The following DMD variants were observed in gnomAD, a reference collection of about 807,000 sequenced individuals.
DMD encodes the protein mutant dystrophin.
Under a neutral mutation model 330.1 loss-of-function variants are expected in DMD, and 63 were observed. The observed-to-expected ratio is 0.19, with a 90% CI of 0.16 to 0.24. DMD has a LOEUF of 0.24. DMD is among the 10% of genes least tolerant of loss of function. The pLI, the probability that DMD is intolerant of heterozygous loss-of-function variation, is 1.00. For missense variants in DMD, 3,344 were observed against 2,684.1 expected (o/e 1.25, Z -5.43); for synonymous variants, 1,223 against 959.8 (o/e 1.27, Z -5.07).
intron 16 of DMD, among the ~76,000 whole-genome samples, chrX:32,554,456 A>G (rs1347176526): frequency 9.0e-6 from 1 of 111,552 alleles, no homozygotes; most frequent in Non-Finnish European, 1.9e-5. Flanking sequence ...TTCTACAGAA[A>G]TACAAACAAC....
chrX:31,395,435 G>A (rs2060878940), intron 60 of DMD, among the ~76,000 whole-genome samples: 1 of 112,005 alleles, frequency 8.9e-6, no homozygotes, highest in African/African-American at 3.2e-5. Context: ...GTTAGCTGCT[G>A]GTGTTTATAA....
At chrX:32,823,215 T>A in intron 5 of DMD, 80 bp downstream of exon 5, 2 of 811,664 alleles carry the variant, frequency 2.5e-6, no homozygotes, top group South Asian at 2.1e-5. Flanking sequence ...GAAATACACA[T>A]TTGTTTCACA....
intron 61 of DMD, among the ~76,000 whole-genome samples, chrX:31,345,608 C>T (rs1319834708): frequency 9.0e-6 from 1 of 111,232 alleles, no homozygotes; most frequent in Non-Finnish European, 1.9e-5. Flanking sequence ...TTATGAGTCG[C>T]TTAGGAGTAT....
chrX:32,049,516 A>T (rs997781274), intron 44 of DMD, among the ~76,000 whole-genome samples: 1 of 111,337 alleles, frequency 9.0e-6, no homozygotes, highest in Non-Finnish European at 1.9e-5. Flanking sequence ...ACCTGAAGTG[A>T]TACATTTATT....
At chrX:32,239,017 A>AAC (rs2148045012) in intron 43 of DMD, among the ~76,000 whole-genome samples, 1 of 112,011 alleles carries the variant, frequency 8.9e-6, no homozygotes, top group African/African-American at 3.2e-5. Context: ...GATTACATAG[A>AAC]ACAAGGTTTC....
chrX:32,313,853 C>T (rs1164441985), intron 41 of DMD, among the ~76,000 whole-genome samples: 3 of 110,922 alleles, frequency 2.7e-5, no homozygotes, highest in Non-Finnish European at 5.7e-5. Flanking sequence ...ATGTGAAGGG[C>T]CTCTTCAAGG....
chrX:32,755,304 T>C (rs1237276197), intron 7 of DMD, among the ~76,000 whole-genome samples: 1 of 94,143 alleles, frequency 1.1e-5, no homozygotes, highest in Non-Finnish European at 2.1e-5. Context: ...AAAAATATTG[T>C]CTTCAGACAA....
chrX:33,129,358 G>T (rs185630995), intron 1 of DMD, among the ~76,000 whole-genome samples: 515 of 10,000 alleles, frequency 0.051, 5 homozygotes, highest in African/African-American at 0.11. Flanking sequence ...TTTTTTTTTA[G>T]TAGATCCAGT....
At chrX:33,327,947 A>G (rs991807274) in intron 1 of DMD, among the ~76,000 whole-genome samples, 6 of 111,997 alleles carry the variant, frequency 5.4e-5, no homozygotes, top group African/African-American at 1.9e-4. Flanking sequence ...AAAAATAAAT[A>G]GTAAATATTA....
chrX:32,849,009 G>A (rs187684172), intron 3 of DMD, among the ~76,000 whole-genome samples: 99 of 111,447 alleles, frequency 8.9e-4, no homozygotes, highest in African/African-American at 2.7e-3. Flanking sequence ...GTATGTGCAT[G>A]TGCTGGGGAG....
chrX:31,155,239 A>G (rs994722985), intron 74 of DMD, among the ~76,000 whole-genome samples: 6 of 112,615 alleles, frequency 5.3e-5, no homozygotes, highest in African/African-American at 1.9e-4. Context: ...AATTTAAACT[A>G]ATTTACAAAG....
intron 32 of DMD, among the ~76,000 whole-genome samples, chrX:32,387,478 T>C (rs1034693692): frequency 9.0e-6 from 1 of 111,443 alleles, no homozygotes; most frequent in African/African-American, 3.2e-5. Flanking sequence ...AACCTGACAG[T>C]AGGTAATTGT....
intron 57 of DMD, among the ~76,000 whole-genome samples, chrX:31,480,287 C>G (rs2068160978): frequency 9.0e-6 from 1 of 111,370 alleles, no homozygotes; most frequent in Admixed American, 9.6e-5. Context: ...TAGCGGTGTT[C>G]ACCATTCAAA....
chrX:31,945,318 T>C (rs974358778), intron 45 of DMD, among the ~76,000 whole-genome samples: 2 of 112,084 alleles, frequency 1.8e-5, no homozygotes, highest in Non-Finnish European at 3.8e-5. Flanking sequence ...TACAGATACA[T>C]GAATGGGTCT....
intron 44 of DMD, among the ~76,000 whole-genome samples, chrX:32,049,869 T>A (rs916752477): frequency 9.0e-6 from 1 of 111,422 alleles, no homozygotes; most frequent in African/African-American, 3.3e-5. Flanking sequence ...GTATTCTTAC[T>A]GGGGTGTTCC....
chrX:31,507,249 T>C (rs758254572), intron 56 of DMD, 32 bp downstream of exon 56: 1 of 1,208,250 alleles, frequency 8.3e-7, no homozygotes, highest in Non-Finnish European at 1.1e-6. Flanking sequence ...TTTAATTCAT[T>C]TGTGGCCTTT....
At chrX:31,562,322 T>G (rs1293266385) in intron 55 of DMD, among the ~76,000 whole-genome samples, 2 of 112,350 alleles carry the variant, frequency 1.8e-5, no homozygotes, top group East Asian at 5.6e-4. Flanking sequence ...TCTGTAGTAT[T>G]GATTCTCAGA....
chrX:32,514,959 T>C (rs911893494), intron 18 of DMD, among the ~76,000 whole-genome samples: 6 of 111,529 alleles, frequency 5.4e-5, no homozygotes, highest in African/African-American at 1.3e-4. Flanking sequence ...AATGAGAAAA[T>C]ATGATAAAAT....
chrX:31,725,304 ATTTG>A (rs1191408290), intron 52 of DMD, among the ~76,000 whole-genome samples: 2 of 111,421 alleles, frequency 1.8e-5, no homozygotes, highest in Admixed American at 1.9e-4. Flanking sequence ...TTTCCTGAAT[ATTTG>A]TTTAATTCTA....
Sources: allele counts gnomAD v4.1 joint callset (sites outside exome capture counted in the v4.1 genomes callset), GRCh38; gene constraint gnomAD v4.1.1; transcripts MANE v1.5; gene names NCBI Gene and HGNC (gene_info 2026-07-23, HGNC 2026-07-21).